The following GLIS3 variants were observed in gnomAD, a reference collection of about 807,000 sequenced individuals.
The protein encoded by GLIS3 is zinc finger protein GLIS3.
Under a neutral mutation model 78.6 loss-of-function variants are expected in GLIS3, and 53 were observed. The observed-to-expected ratio is 0.67, with a 90% CI of 0.54 to 0.85. The LOEUF is 0.85. Ranked by LOEUF, GLIS3 falls within the 40% of genes least tolerant of loss-of-function variation. The probability of loss-of-function intolerance (pLI) is 0.00; values close to 1 mark genes in which losing one functional copy is unlikely to be tolerated. For synonymous variants in GLIS3, 684 were observed against 509.9 expected, an observed-to-expected ratio of 1.34 and a Z score of -4.60; for missense variants, 1,703 against 1,231.1, an observed-to-expected ratio of 1.38 and a Z score of -5.74.
intron 4 of GLIS3, among the ~76,000 whole-genome samples, chr9:4,022,634 T>C (rs1231698581): frequency 6.6e-6 from 1 of 152,172 alleles, no homozygotes; most frequent in Non-Finnish European, 1.5e-5. Context: ...CAAGTGTTCA[T>C]GGACTTCTTA....
chr9:4,101,011 A>G (rs982296239), intron 4 of GLIS3, among the ~76,000 whole-genome samples: 1 of 152,210 alleles, frequency 6.6e-6, no homozygotes, highest in African/African-American at 2.4e-5. Context: ...CCTGGAAAAC[A>G]GCAGAGTATG....
At chr9:4,353,512 C>A in the GLIS3 span, among the ~76,000 whole-genome samples, 4 of 152,152 alleles carry the variant, frequency 2.6e-5, no homozygotes, top group Middle Eastern at 3.2e-3. Context: ...TAAGGCATTT[C>A]CAGAACTGCC....
chr9:4,032,242 C>T (rs1444462441), intron 4 of GLIS3, among the ~76,000 whole-genome samples: 1 of 152,162 alleles, frequency 6.6e-6, no homozygotes, highest in Admixed American at 6.5e-5. Context: ...ACATTTAAGG[C>T]AGAGCAAGAG....
At chr9:4,114,580 T>C (rs1164110423) in intron 4 of GLIS3, among the ~76,000 whole-genome samples, 1 of 152,198 alleles carries the variant, frequency 6.6e-6, no homozygotes, top group African/African-American at 2.4e-5. Context: ...AAGGTCAAAA[T>C]AAAGAGATTC....
the GLIS3 span, among the ~76,000 whole-genome samples, chr9:4,430,645 G>T: frequency 6.6e-6 from 1 of 152,212 alleles, no homozygotes; most frequent in Admixed American, 6.5e-5. Context: ...CAAGAGGATA[G>T]ATATCTTCAT....
intron 6 of GLIS3, among the ~76,000 whole-genome samples, chr9:3,899,289 G>A (rs1823107717): frequency 1.3e-5 from 2 of 151,910 alleles, no homozygotes; most frequent in South Asian, 4.1e-4. Flanking sequence ...TCCATGAAAG[G>A]AAAATACTCA....
chr9:4,260,624 T>C (rs538517681), intron 2 of GLIS3, among the ~76,000 whole-genome samples: 5 of 151,402 alleles, frequency 3.3e-5, no homozygotes, highest in African/African-American at 9.7e-5. Flanking sequence ...TGCATACCTG[T>C]AGTCCCAGCT....
At chr9:4,138,554 T>C (rs960856335) in intron 2 of GLIS3, among the ~76,000 whole-genome samples, 1 of 152,138 alleles carries the variant, frequency 6.6e-6, no homozygotes, top group Non-Finnish European at 1.5e-5. Context: ...AAGAGTTGGA[T>C]GGCCAAAATG....
chr9:4,001,570 G>A (rs963946148), intron 4 of GLIS3, among the ~76,000 whole-genome samples: 2 of 152,068 alleles, frequency 1.3e-5, no homozygotes, highest in African/African-American at 2.4e-5. Context: ...GTTTGTAAAC[G>A]TGTTTACTTA....
intron 4 of GLIS3, among the ~76,000 whole-genome samples, chr9:4,084,330 G>A (rs1411170266): frequency 6.7e-6 from 1 of 150,124 alleles, no homozygotes. Flanking sequence ...AGAGGGGCCT[G>A]TGGGATATCT....
intron 2 of GLIS3, among the ~76,000 whole-genome samples, chr9:4,176,662 C>T (rs1036669763): frequency 6.6e-6 from 1 of 152,120 alleles, no homozygotes; most frequent in African/African-American, 2.4e-5. Context: ...TTGCTCTTGT[C>T]ACCCAGGCTA....
At chr9:4,204,724 C>A (rs1365966719) in intron 2 of GLIS3, among the ~76,000 whole-genome samples, 1 of 151,982 alleles carries the variant, frequency 6.6e-6, no homozygotes, top group Non-Finnish European at 1.5e-5. Flanking sequence ...TTGAGACCAG[C>A]CTGGGCAACT....
chr9:4,489,723 T>A, the GLIS3 span, among the ~76,000 whole-genome samples: 1 of 152,116 alleles, frequency 6.6e-6, no homozygotes, highest in Non-Finnish European at 1.5e-5. Context: ...CGGTTCTCAG[T>A]TCTAATCACT....
chr9:3,942,288 C>G (rs1462694175), intron 4 of GLIS3, among the ~76,000 whole-genome samples: 1 of 152,162 alleles, frequency 6.6e-6, no homozygotes, highest in Non-Finnish European at 1.5e-5. Flanking sequence ...GAGGTACACA[C>G]TTTCACAATT....
chr9:3,851,396 A>G (rs1819423901), intron 9 of GLIS3, among the ~76,000 whole-genome samples: 1 of 152,214 alleles, frequency 6.6e-6, no homozygotes, highest in Admixed American at 6.5e-5. Context: ...TCTCACCCGA[A>G]TGGAGACCCG....
the GLIS3 span, among the ~76,000 whole-genome samples, chr9:4,408,546 G>T: frequency 1.1e-4 from 17 of 151,870 alleles, no homozygotes; most frequent in East Asian, 3.3e-3. Flanking sequence ...GGCTAACACG[G>T]TGAAATCCCG....
chr9:4,312,556 T>C (rs1228905245), intron 2 of GLIS3, among the ~76,000 whole-genome samples: 2 of 152,274 alleles, frequency 1.3e-5, no homozygotes, highest in Non-Finnish European at 2.9e-5. Context: ...CAATAAATTA[T>C]GTACAGTATA....
intron 4 of GLIS3, among the ~76,000 whole-genome samples, chr9:4,103,701 T>C (rs1415025572): frequency 6.6e-6 from 1 of 152,130 alleles, no homozygotes; most frequent in Non-Finnish European, 1.5e-5. Flanking sequence ...ATGGATACTG[T>C]TTTTAATGCC....
At chr9:4,227,348 T>C (rs1821863490) in intron 2 of GLIS3, among the ~76,000 whole-genome samples, 1 of 148,820 alleles carries the variant, frequency 6.7e-6, no homozygotes, top group Non-Finnish European at 1.5e-5. Context: ...GCCCACACAA[T>C]GATAGCCTTG....
Sources: gnomAD v4.1 joint callset for allele counts (sites outside exome capture counted in the v4.1 genomes callset) on GRCh38, gnomAD v4.1.1 for gene constraint, MANE v1.5 for transcripts, NCBI Gene and HGNC (gene_info 2026-07-23, HGNC 2026-07-21) for gene names.